Variants in LRP2 observed in about 807,000 individuals in gnomAD.
The protein encoded by LRP2 is LDL receptor related protein 2.
Under a neutral mutation model 531.0 loss-of-function variants are expected in LRP2, and 172 were observed. The ratio of observed to expected loss-of-function variants is 0.32; its 90% CI spans 0.29 to 0.37. The LOEUF is 0.37. Among genes scored for constraint, LRP2 ranks in the 10% least tolerant of loss-of-function variants. The pLI, the probability that LRP2 is intolerant of heterozygous loss-of-function variation, is 1.00. For missense variants in LRP2, 5,167 were observed against 5,868.3 expected (o/e 0.88, Z 3.90); for synonymous variants, 1,992 against 2,027.6 (o/e 0.98, Z 0.47).
Position 169,246,869 on chromosome 2 carries a change from T to C in LRP2, c.3026A>G (p.Asn1009Ser), listed in dbSNP as rs1321641263. The C allele has an allele frequency of 1.2e-6, 2 of 1,614,172 alleles. No homozygotes were observed. The highest frequency in any genetic ancestry group is 3.3e-5 in the Admixed American group (2 of 60,024). Residue 1009 changes from asparagine to serine, a missense_variant, in exon 21 of 79, where the codon AAT (asparagine) becomes AGT (serine). Transcript: ENST00000649046. ...TGGGTCCCCCTCGCATGTCAAGTGA[T>C]TGGAAGCCAGCCTCATTCCATAAGG... ...GCPYGMRLAS[N>S]HLTCEGDPTN...
intron 3 of LRP2, among the ~76,000 whole-genome samples, chr2:169,309,692 GT>G (rs922545668): frequency 2.0e-5 from 3 of 152,168 alleles, no homozygotes; most frequent in Non-Finnish European, 4.4e-5. Flanking sequence ...GCTTAGGATT[GT>G]CTTGGCAATG....
In LRP2 at chr2:169,353,570, C is replaced by T. The variant is rs2673153; in HGVS notation, c.79+8751G>A. 6.1e-3 allele frequency among the ~76,000 whole-genome samples: 923 copies of T among 152,288 alleles called. 7 individuals carry two copies. The highest frequency in any genetic ancestry group is 0.03 in the South Asian group (144 of 4,822). On this transcript the variant is annotated intron_variant, in intron 1 of 78. Coordinates refer to ENST00000649046, the MANE Select transcript of LRP2 (RefSeq NM_004525.3). ...CACCCTTCCCCACATCAAAATTAAA[C>T]CAGTGTGGAAGTACATGCTAGCATG...
intron 50 of LRP2, among the ~76,000 whole-genome samples, chr2:169,183,238 G>C (rs1423476907): frequency 6.6e-6 from 1 of 152,184 alleles, no homozygotes; most frequent in Non-Finnish European, 1.5e-5. Context: ...ATTCATGCTG[G>C]ATATCTGAAT....
At chr2:169,138,848 T>G (rs1574063622) in intron 74 of LRP2, 142 bp from the exon 75 acceptor site, 3 of 966,146 alleles carry the variant, frequency 3.1e-6, no homozygotes, top group Non-Finnish European at 4.8e-6. Flanking sequence ...CACTCTAAAT[T>G]TACACTGTCA....
At chr2:169,342,608 A>G (rs912094856) in intron 1 of LRP2, among the ~76,000 whole-genome samples, 1 of 152,164 alleles carries the variant, frequency 6.6e-6, no homozygotes, top group Non-Finnish European at 1.5e-5. Flanking sequence ...AACTCCTTCA[A>G]GACTCAGTTC....
intron 35 of LRP2, among the ~76,000 whole-genome samples, chr2:169,215,572 A>C (rs557225134): frequency 1.3e-5 from 2 of 152,030 alleles, no homozygotes; most frequent in Admixed American, 1.3e-4. Context: ...TGAGTTCAGA[A>C]CCTTGCTACG....
intron 16 of LRP2, among the ~76,000 whole-genome samples, chr2:169,265,895 C>T (rs943660781): frequency 6.6e-6 from 1 of 151,818 alleles, no homozygotes; most frequent in Admixed American, 6.6e-5. Context: ...CCAATTGGAA[C>T]ACAGGATAGG....
chr2:169,201,860 G>T lies in LRP2; in HGVS notation c.8220C>A (p.Thr2740=). Residue 2740 remains threonine (T), a synonymous_variant, in exon 44 of 79, where the codon ACC becomes ACA. Coordinates refer to ENST00000649046, the MANE Select transcript of LRP2 (RefSeq NM_004525.3). ...CACAGGTGAAGGCTGTCGGTGAGCA[G>T]GTGTGAAGTGCTAAGAACAGGAAAA... ...DEMESVCALH[T]CSPTAFTCAN... is the part of the protein sequence containing the mutation. 1 of 1,614,058 alleles carries T rather than the reference G, an allele frequency of 6.2e-7. No homozygotes were observed. Among genetic ancestry groups the T allele is most frequent in the Non-Finnish European group, 8.5e-7 (1 of 1,180,008 alleles).
chr2:169,318,644 G>T, intron 3 of LRP2, 118 bp downstream of exon 3: 1 of 1,415,814 alleles, frequency 7.1e-7, no homozygotes, highest in Non-Finnish European at 9.9e-7. Flanking sequence ...GTTCCCTTAT[G>T]ATTTAAGGCC....
In LRP2 at chr2:169,156,860, C is replaced by T. The variant is rs77568907; in HGVS notation, c.12020-455G>A. Reference sequence around the variant, plus strand: ...AAAAGGAACTCTTACAATCTTCTGACTATGACATATCATGAATTAGAAACA... The same window carrying T: ...AAAAGGAACTCTTACAATCTTCTGATTATGACATATCATGAATTAGAAACA... On this transcript the variant is annotated intron_variant, in intron 64 of 78. Transcript: ENST00000649046. Among the ~76,000 whole-genome samples, 79 of 152,308 alleles carry T rather than the reference C, an allele frequency of 5.2e-4. 1 individual carries two copies. In the East Asian group the frequency reaches 0.011, roughly 22 times the overall value.
In LRP2 at chr2:169,128,781, G is replaced by A. The variant is rs745591415; in HGVS notation, c.13850C>T (p.Pro4617Leu). The part of the protein sequence containing the change: ...ESVAATPPPS[P>L]SLPAKPKPPS... ...AGGCTTAGGCTTAGCAGGGAGCGAAGGTGATGGAGGTGGTGTCGCAGCAAC... is the reference window on the plus strand; with the variant it reads ...AGGCTTAGGCTTAGCAGGGAGCGAAAGTGATGGAGGTGGTGTCGCAGCAAC... The change falls in exon 79 of 79, where the codon CCT (proline) becomes CTT (leucine). Residue 4617 changes from proline to leucine, a missense_variant. Physicochemically the swap from Pro to Leu is moderately conservative, Grantham distance 98. Around this residue, in one of 6 missense-constraint regions of LRP2, gnomAD observed 348 missense variants for 369.3 expected, o/e 0.94. Coordinates refer to ENST00000649046, the MANE Select transcript of LRP2 (RefSeq NM_004525.3). 1.9e-6 allele frequency: 3 copies of A among 1,614,116 alleles called. No homozygotes were observed. The highest frequency in any genetic ancestry group is 2.5e-6 in the Non-Finnish European group (3 of 1,180,002).
At chr2:169,167,460 C>T (rs1290765088) in intron 61 of LRP2, among the ~76,000 whole-genome samples, 2 of 152,170 alleles carry the variant, frequency 1.3e-5, no homozygotes, top group East Asian at 1.9e-4. Context: ...CTTTTACTTA[C>T]ACAAAATCCT....
chr2:169,348,472 C>T (rs974600225), intron 1 of LRP2, among the ~76,000 whole-genome samples: 2 of 152,128 alleles, frequency 1.3e-5, no homozygotes, highest in Non-Finnish European at 2.9e-5. Flanking sequence ...CACCACAATC[C>T]ATGCTGCCTC....
chr2:169,350,877 G>C (rs1447940482), intron 1 of LRP2, among the ~76,000 whole-genome samples: 1 of 152,018 alleles, frequency 6.6e-6, no homozygotes, highest in African/African-American at 2.4e-5. Context: ...TGAATGTCCT[G>C]ACTTGACATG....
intron 7 of LRP2, 65 bp from the exon 8 acceptor site, chr2:169,291,062 G>T (rs552641963): frequency 9.5e-5 from 137 of 1,445,706 alleles, no homozygotes; most frequent in Admixed American, 3.6e-4. Flanking sequence ...TTGTTAATCA[G>T]TGGTTTACAG....
intron 50 of LRP2, chr2:169,182,685 AT>A: frequency 1.0e-6 from 1 of 970,350 alleles, no homozygotes; most frequent in Non-Finnish European, 1.2e-6. Context: ...TACAGTTTAA[AT>A]GGTGGAGTCA....
chr2:169,274,359 G>A (rs956673294), intron 14 of LRP2, among the ~76,000 whole-genome samples: 13 of 152,266 alleles, frequency 8.5e-5, no homozygotes, highest in African/African-American at 3.1e-4. Flanking sequence ...CGGGGCAGGA[G>A]GATCGCTTGA....
At chr2:169,155,617 T>C (rs975616619) in intron 65 of LRP2, among the ~76,000 whole-genome samples, 2 of 152,176 alleles carry the variant, frequency 1.3e-5, no homozygotes, top group African/African-American at 4.8e-5. Context: ...TTAACTAGGA[T>C]ATGATGATTT....
chr2:169,142,272 G>GC (rs1685749242), intron 71 of LRP2, among the ~76,000 whole-genome samples: 1 of 152,204 alleles, frequency 6.6e-6, no homozygotes. Context: ...TCAAAAGGTA[G>GC]CCCTTTTTCA....
Sources: gnomAD v4.1 joint callset for allele counts (sites outside exome capture counted in the v4.1 genomes callset) on GRCh38, gnomAD v4.1.1 for gene constraint, gnomAD v4.1.1 regional missense constraint, MANE v1.5 for transcripts, NCBI Gene and HGNC (gene_info 2026-07-23, HGNC 2026-07-21) for gene names.